EXOC6B: variants seen among roughly 807,000 people sequenced by gnomAD.
EXOC6B encodes exocyst complex component 6B, also known as SEC15 homolog B.
EXOC6B carries 54 observed loss-of-function variants against 113.5 expected under a neutral mutation model. The observed-to-expected ratio is 0.48, with a 90% CI of 0.38 to 0.60. EXOC6B has a LOEUF of 0.60. Among genes scored for constraint, EXOC6B ranks in the 20% least tolerant of loss-of-function variants. EXOC6B has a pLI of 0.00. For synonymous variants in EXOC6B, 357 were observed against 339.0 expected (o/e 1.05, Z -0.58); for missense variants, 797 against 977.5 (o/e 0.82, Z 2.46).
At chr2:72,536,902 A>G (rs1183019765) in intron 8 of EXOC6B, among the ~76,000 whole-genome samples, 3 of 152,194 alleles carry the variant, frequency 2.0e-5, no homozygotes, top group Non-Finnish European at 4.4e-5. Flanking sequence ...GCATTGTATG[A>G]AGAACCTATC....
At chr2:72,421,889 G>A (rs1037304109) in intron 18 of EXOC6B, among the ~76,000 whole-genome samples, 19 of 152,250 alleles carry the variant, frequency 1.2e-4, no homozygotes, top group African/African-American at 4.6e-4. Context: ...GGAGTTCCGG[G>A]TGGGCATGGT....
At chr2:72,216,362 TCA>T (rs1187175052) in intron 20 of EXOC6B, among the ~76,000 whole-genome samples, 3 of 152,210 alleles carry the variant, frequency 2.0e-5, no homozygotes, top group African/African-American at 7.2e-5. Context: ...ATATACCATC[TCA>T]CACCAGTCAG....
At chr2:72,497,774 C>G (rs898411172) in intron 13 of EXOC6B, among the ~76,000 whole-genome samples, 2 of 151,992 alleles carry the variant, frequency 1.3e-5, no homozygotes, top group African/African-American at 4.8e-5. Flanking sequence ...TTGCAATAGG[C>G]AGCATAATCA....
chr2:72,460,082 C>T (rs1697523325), intron 18 of EXOC6B, among the ~76,000 whole-genome samples: 2 of 151,758 alleles, frequency 1.3e-5, no homozygotes, highest in Non-Finnish European at 2.9e-5. Context: ...CTTTGACAAA[C>T]CTGAGAAAAA....
At chr2:72,315,082 T>C (rs918595995) in intron 20 of EXOC6B, among the ~76,000 whole-genome samples, 6 of 152,064 alleles carry the variant, frequency 3.9e-5, no homozygotes, top group African/African-American at 1.4e-4. Flanking sequence ...GTGGCAGAGG[T>C]AGTCAGAGGG....
rs1553371309 is a variant in EXOC6B, at chr2:72,307,161, G to GTTTTTTTTTTTGTTTTTTTT, written c.2196+27785_2196+27786insAAAAAAAACAAAAAAAAAAA. Among the ~76,000 whole-genome samples the GTTTTTTTTTTTGTTTTTTTT allele has an allele frequency of 1.0e-4, 13 of 128,490 alleles. 1 individual carries two copies. Among genetic ancestry groups the GTTTTTTTTTTTGTTTTTTTT allele is most frequent in the African/African-American group, 4.2e-4 (11 of 26,196 alleles). 84.3% of individuals were successfully genotyped at this position (128,490 alleles called of 152,430 possible). ...TCCATGACTGCAATGGTATAGTCCA[G>GTTTTTTTTTTTGTTTTTTTT]TTTTTTTTTTTTTGAGACGGAGTCT... is the stretch of plus-strand genomic sequence containing the variant. On this transcript the variant is annotated intron_variant, in intron 20 of 21. Transcript: ENST00000272427.
At chr2:72,359,686 AG>A (rs1403098749) in intron 19 of EXOC6B, among the ~76,000 whole-genome samples, 1 of 152,174 alleles carries the variant, frequency 6.6e-6, no homozygotes, top group African/African-American at 2.4e-5. Flanking sequence ...TAGGGAAAAG[AG>A]GATTGAGACT....
intron 6 of EXOC6B, among the ~76,000 whole-genome samples, chr2:72,584,833 AAC>A (rs1705449525): frequency 6.6e-6 from 1 of 152,238 alleles, no homozygotes; most frequent in South Asian, 2.1e-4. Context: ...GTGGAATAAA[AAC>A]AGAAATCAAT....
chr2:72,592,797 C>T lies in EXOC6B; in HGVS notation c.670-17129G>A, dbSNP rs547562864. Among the ~76,000 whole-genome samples the T allele has an allele frequency of 5.0e-3, 762 of 152,250 alleles. 7 individuals are homozygous for T. Among genetic ancestry groups the T allele is most frequent in the South Asian group, 0.022 (106 of 4,826 alleles). ...TGTCCCTGGTTTCTGGCACAGAGCA[C>T]CTGAACACCCTTGGAATTTCTGAGT... On this transcript the variant is annotated intron_variant, in intron 6 of 21. Transcript: ENST00000272427.
At chr2:72,546,897 G>C (rs1204319940) in intron 8 of EXOC6B, among the ~76,000 whole-genome samples, 1 of 152,204 alleles carries the variant, frequency 6.6e-6, no homozygotes, top group East Asian at 1.9e-4. Flanking sequence ...TACTCAAATG[G>C]AATTGGGGAA....
intron 1 of EXOC6B, among the ~76,000 whole-genome samples, chr2:72,818,876 T>G (rs1686427432): frequency 6.6e-6 from 1 of 152,156 alleles, no homozygotes; most frequent in African/African-American, 2.4e-5. Flanking sequence ...TTCACTCTAT[T>G]CAAACCTTTG....
At chr2:72,745,205 C>T (rs1332715914) in intron 1 of EXOC6B, among the ~76,000 whole-genome samples, 1 of 152,088 alleles carries the variant, frequency 6.6e-6, no homozygotes, top group Non-Finnish European at 1.5e-5. Context: ...GTAATTCCAG[C>T]ACTTTGGGAG....
intron 6 of EXOC6B, among the ~76,000 whole-genome samples, chr2:72,708,271 G>A (rs1032186739): frequency 6.6e-6 from 1 of 152,110 alleles, no homozygotes; most frequent in African/African-American, 2.4e-5. Context: ...TAGGATAGTG[G>A]AACCACAATC....
chr2:72,806,807 AT>A (rs1226231090), intron 1 of EXOC6B, among the ~76,000 whole-genome samples: 2 of 151,504 alleles, frequency 1.3e-5, no homozygotes, highest in African/African-American at 4.9e-5. Flanking sequence ...TTTTTTTCAT[AT>A]GCTTGTTGGC....
rs146471756 is a variant in EXOC6B at position 72,315,053 on chromosome 2, G to A, written c.2196+19894C>T. Among the ~76,000 whole-genome samples, 717 of 152,210 alleles carry A rather than the reference G, an allele frequency of 4.7e-3. 8 individuals carry two copies. The highest frequency in any genetic ancestry group is 0.016 in the African/African-American group (665 of 41,540). ...AGGGAAGAGAATAGAATTTTGCTTC[G>A]GTTATGGTTTGGAAGGAGGTGGCAG... On this transcript the variant is annotated intron_variant, in intron 20 of 21. Transcript: ENST00000272427.
intron 6 of EXOC6B, among the ~76,000 whole-genome samples, chr2:72,619,933 T>C (rs1388108178): frequency 6.6e-6 from 1 of 152,142 alleles, no homozygotes; most frequent in African/African-American, 2.4e-5. Flanking sequence ...TAGATACCCA[T>C]CCCCTAGGAC....
At chr2:72,737,361 A>T (rs1681033394) in intron 2 of EXOC6B, among the ~76,000 whole-genome samples, 1 of 152,108 alleles carries the variant, frequency 6.6e-6, no homozygotes, top group African/African-American at 2.4e-5. Flanking sequence ...ATTAAAAAAA[A>T]AAAAGTTCTT....
intron 11 of EXOC6B, among the ~76,000 whole-genome samples, chr2:72,511,402 A>G (rs1700886125): frequency 6.6e-6 from 1 of 152,132 alleles, no homozygotes; most frequent in Non-Finnish European, 1.5e-5. Flanking sequence ...TTTACCTCTT[A>G]TATCTAATCC....
chr2:72,268,162 G>A (rs183942777), intron 20 of EXOC6B, among the ~76,000 whole-genome samples: 107 of 152,198 alleles, frequency 7.0e-4, no homozygotes, highest in Middle Eastern at 3.4e-3. Flanking sequence ...CCAGGCTAGC[G>A]TGCAGTGGCA....
Sources: allele counts gnomAD v4.1 joint callset (sites outside exome capture counted in the v4.1 genomes callset), GRCh38; gene constraint gnomAD v4.1.1; transcripts MANE v1.5; gene names NCBI Gene and HGNC (gene_info 2026-07-23, HGNC 2026-07-21).